The following TRPM3 variants were observed in gnomAD, a reference collection of about 807,000 sequenced individuals.
The protein encoded by TRPM3 is transient receptor potential cation channel subfamily M member 3.
Under a neutral mutation model 181.2 loss-of-function variants are expected in TRPM3, and 77 were observed. That is an observed-to-expected ratio of 0.42 (90% CI 0.35 to 0.51). TRPM3 has a LOEUF of 0.51. Among genes scored for constraint, TRPM3 ranks in the 20% least tolerant of loss-of-function variants. TRPM3 has a pLI of 0.01. For synonymous variants in TRPM3, 745 were observed against 796.4 expected (o/e 0.94, Z 1.09); for missense variants, 1,759 against 2,196.7 (o/e 0.80, Z 3.98).
intron 1 of TRPM3, among the ~76,000 whole-genome samples, chr9:71,086,366 A>T (rs2065262122): frequency 6.6e-6 from 1 of 151,996 alleles, no homozygotes; most frequent in African/African-American, 2.4e-5. Flanking sequence ...GAATTTTTTT[A>T]AAAGATTCAT....
At chr9:71,438,123 A>G (rs1264942502) in intron 1 of TRPM3, among the ~76,000 whole-genome samples, 1 of 152,200 alleles carries the variant, frequency 6.6e-6, no homozygotes, top group Non-Finnish European at 1.5e-5. Context: ...GGATGTATTC[A>G]GCAAAATACA....
At chr9:70,794,205 G>T (rs957638095) in intron 6 of TRPM3, among the ~76,000 whole-genome samples, 1 of 152,070 alleles carries the variant, frequency 6.6e-6, no homozygotes, top group African/African-American at 2.4e-5. Context: ...ACTCATGATC[G>T]TGTGGGAAGA....
chr9:71,386,324 G>A (rs62545039), intron 1 of TRPM3, among the ~76,000 whole-genome samples: 26,543 of 151,586 alleles, frequency 0.18, 3,011 homozygotes, highest in Middle Eastern at 0.26. Context: ...CGGTGCACGC[G>A]TGTAGTCCCA....
intron 6 of TRPM3, among the ~76,000 whole-genome samples, chr9:70,806,788 T>C (rs560829721): frequency 6.6e-6 from 1 of 152,328 alleles, no homozygotes; most frequent in Non-Finnish European, 1.5e-5. Context: ...GGGAGCACTA[T>C]TTATAGTCAT....
At chr9:70,559,794 C>T (rs1166788889) in intron 22 of TRPM3, among the ~76,000 whole-genome samples, 1 of 152,082 alleles carries the variant, frequency 6.6e-6, no homozygotes, top group Non-Finnish European at 1.5e-5. Flanking sequence ...CCAGTACCTG[C>T]CCTATACCAC....
chr9:70,921,136 G>A (rs1301286798), intron 1 of TRPM3, among the ~76,000 whole-genome samples: 1 of 152,034 alleles, frequency 6.6e-6, no homozygotes, highest in Non-Finnish European at 1.5e-5. Flanking sequence ...TGCCTATTTT[G>A]TTCTTCATCA....
chr9:71,114,199 T>G (rs943030147), intron 1 of TRPM3, among the ~76,000 whole-genome samples: 32 of 152,216 alleles, frequency 2.1e-4, no homozygotes, highest in Admixed American at 3.9e-4. Flanking sequence ...AGAAAAGAAA[T>G]AAAACTCATC....
chr9:70,823,225 C>T (rs540363465), intron 6 of TRPM3, among the ~76,000 whole-genome samples: 66 of 152,306 alleles, frequency 4.3e-4, no homozygotes, highest in African/African-American at 1.5e-3. Flanking sequence ...CCAGTTATCT[C>T]TCACCTGCAT....
rs578147835 is a variant in TRPM3, at chr9:70,681,874, A to G, written c.1273-296T>C. On this transcript the variant is annotated intron_variant, in intron 8 of 25. Transcript: ENST00000677713. ...CCCCAAAGTGCATATGTTGAAACCT[A>G]CTCACCAATGTGATAGCTTTAGGAG... 9.7e-4 allele frequency among the ~76,000 whole-genome samples: 148 copies of G among 152,206 alleles called. 2 individuals are homozygous for G. Among genetic ancestry groups the G allele is most frequent in the African/African-American group, 3.5e-3 (144 of 41,524 alleles).
chr9:70,761,366 G>A (rs949045780), intron 8 of TRPM3: 3 of 657,848 alleles, frequency 4.6e-6, no homozygotes, highest in Non-Finnish European at 8.3e-6. Context: ...GTTTGGATGA[G>A]CTCCAAAAGG....
At chr9:70,847,896 A>G (rs1442767055) in intron 3 of TRPM3, among the ~76,000 whole-genome samples, 1 of 152,230 alleles carries the variant, frequency 6.6e-6, no homozygotes, top group Non-Finnish European at 1.5e-5. Context: ...GTAGAAGTAA[A>G]TGGAGATTCT....
At chr9:70,877,804 A>AATACACACACACAC (rs146067329) in intron 1 of TRPM3, among the ~76,000 whole-genome samples, 1 of 146,112 alleles carries the variant, frequency 6.8e-6, no homozygotes, top group African/African-American at 2.6e-5. Context: ...AAAATCATAA[A>AATACACACACACAC]ACACACACAC....
chr9:71,180,050 C>CTTTTTTTTTT lies in TRPM3; in HGVS notation c.183+266593_183+266602dup, dbSNP rs35877663. On this transcript the variant is annotated intron_variant, in intron 1 of 24. Transcript: ENST00000357533. The stretch of plus-strand genomic sequence containing the variant: ...GGGGAGAACCTTATCATACATCCTT[C>CTTTTTTTTTT]TTTTTTTTTTTTTTTTTTTTTGAGA... 2.4e-3 allele frequency among the ~76,000 whole-genome samples: 241 copies of CTTTTTTTTTT among 101,162 alleles called. 7 individuals are homozygous for CTTTTTTTTTT. The highest frequency in any genetic ancestry group is 3.9e-3 in the African/African-American group (105 of 26,714). The allele number at this position is 101,162 out of a possible 152,430, so 66.4% of individuals were successfully genotyped here.
At chr9:71,319,669 A>C (rs1005018786) in intron 1 of TRPM3, among the ~76,000 whole-genome samples, 3 of 152,178 alleles carry the variant, frequency 2.0e-5, no homozygotes, top group Non-Finnish European at 4.4e-5. Flanking sequence ...TCAAGCTGAC[A>C]CATAAAATTA....
intron 7 of TRPM3, among the ~76,000 whole-genome samples, chr9:70,763,871 T>G (rs1018706075): frequency 6.6e-6 from 1 of 152,178 alleles, no homozygotes; most frequent in Non-Finnish European, 1.5e-5. Context: ...AAGACTCTTC[T>G]GAGGAAGTGC....
intron 6 of TRPM3, among the ~76,000 whole-genome samples, chr9:70,797,621 C>T (rs1198423922): frequency 6.6e-6 from 1 of 152,188 alleles, no homozygotes; most frequent in African/African-American, 2.4e-5. Flanking sequence ...TTCAGCCACA[C>T]CAATTTTCAG....
In TRPM3 at chr9:70,998,688, C is replaced by T. The variant is rs148910543; in HGVS notation, c.177+122490G>A. Among the ~76,000 whole-genome samples, 16 of 152,204 alleles carry T rather than the reference C, an allele frequency of 1.1e-4. 1 individual carries two copies. In the East Asian group the frequency reaches 2.3e-3, roughly 22 times the overall value. On this transcript the variant is annotated intron_variant, in intron 1 of 25. Coordinates refer to ENST00000677713, the MANE Select transcript of TRPM3 (RefSeq NM_001366145.2). Reference sequence around the variant, plus strand: ...ACTACTTCTTAGTTGTTTTCCAGTCCGTTCTTCCTTTCCCTCTCCTTCCTG... The same window carrying T: ...ACTACTTCTTAGTTGTTTTCCAGTCTGTTCTTCCTTTCCCTCTCCTTCCTG...
intron 1 of TRPM3, among the ~76,000 whole-genome samples, chr9:70,908,090 A>C: frequency 6.6e-6 from 1 of 152,202 alleles, no homozygotes; most frequent in Non-Finnish European, 1.5e-5. Flanking sequence ...ATTTAAGCTC[A>C]ATGCCAATGA....
chr9:70,797,511 C>T (rs2087465070), intron 6 of TRPM3, among the ~76,000 whole-genome samples: 1 of 152,186 alleles, frequency 6.6e-6, no homozygotes, highest in South Asian at 2.1e-4. Context: ...TGCACCCAAC[C>T]TTCGTCTCCC....
Sources: gnomAD v4.1 joint callset for allele counts (sites outside exome capture counted in the v4.1 genomes callset) on GRCh38, gnomAD v4.1.1 for gene constraint, MANE v1.5 for transcripts, NCBI Gene and HGNC (gene_info 2026-07-23, HGNC 2026-07-21) for gene names.